ARHGAP10: variants seen among roughly 807,000 people sequenced by gnomAD.
ARHGAP10 encodes the protein Rho GTPase activating protein 10.
ARHGAP10 carries 87 observed loss-of-function variants against 108.6 expected under a neutral mutation model. The ratio of observed to expected loss-of-function variants is 0.80; its 90% CI spans 0.67 to 0.96. The LOEUF (loss-of-function observed/expected upper bound fraction) is 0.96, where lower values mean the gene tolerates loss of function less well. ARHGAP10 is among the 40% of genes least tolerant of loss of function. The probability of loss-of-function intolerance (pLI) is 0.00; values close to 1 mark genes in which losing one functional copy is unlikely to be tolerated. For synonymous variants in ARHGAP10, 347 were observed against 341.1 expected (o/e 1.02, Z -0.19); for missense variants, 939 against 954.5 (o/e 0.98, Z 0.21).
At chr4:147,806,979 C>A (rs925142972) in intron 1 of ARHGAP10, among the ~76,000 whole-genome samples, 2 of 152,158 alleles carry the variant, frequency 1.3e-5, no homozygotes, top group African/African-American at 4.8e-5. Flanking sequence ...AAGCGTGAAA[C>A]CCGGTGAAAG....
At chr4:147,884,435 C>G (rs1735459470) in intron 10 of ARHGAP10, among the ~76,000 whole-genome samples, 1 of 152,128 alleles carries the variant, frequency 6.6e-6, no homozygotes, top group Admixed American at 6.5e-5. Flanking sequence ...AATAAAATTT[C>G]ATGTTAATGT....
intron 20 of ARHGAP10, among the ~76,000 whole-genome samples, chr4:148,056,006 C>G (rs1023931820): frequency 6.6e-6 from 1 of 152,196 alleles, no homozygotes; most frequent in Non-Finnish European, 1.5e-5. Flanking sequence ...TGGCCCACTG[C>G]CACCTGTCTT....
chr4:147,745,087 G>C (rs566076979), intron 1 of ARHGAP10, among the ~76,000 whole-genome samples: 1 of 152,236 alleles, frequency 6.6e-6, no homozygotes, highest in East Asian at 1.9e-4. Flanking sequence ...GAGAAAGAGT[G>C]TTCAGAGAGC....
chr4:147,766,629 T>TACACAC (rs1324153290), intron 1 of ARHGAP10, among the ~76,000 whole-genome samples: 21 of 138,776 alleles, frequency 1.5e-4, no homozygotes, highest in Non-Finnish European at 3.1e-4. Context: ...TACACATATA[T>TACACAC]ATACGTATAT....
intron 10 of ARHGAP10, among the ~76,000 whole-genome samples, chr4:147,897,869 T>A (rs1256682518): frequency 1.3e-5 from 2 of 152,078 alleles, no homozygotes; most frequent in African/African-American, 2.4e-5. Context: ...ATGTGTATAT[T>A]TATTTATTTT....
At chr4:148,022,681 T>C (rs1475442279) in intron 18 of ARHGAP10, among the ~76,000 whole-genome samples, 1 of 152,180 alleles carries the variant, frequency 6.6e-6, no homozygotes, top group Non-Finnish European at 1.5e-5. Flanking sequence ...CTAGGTTTCA[T>C]AAATGAAAGG....
intron 18 of ARHGAP10, among the ~76,000 whole-genome samples, chr4:147,994,233 A>T (rs1301761179): frequency 6.6e-6 from 1 of 152,244 alleles, no homozygotes; most frequent in African/African-American, 2.4e-5. Context: ...TAAATTGCAC[A>T]AAAGTGCTTA....
intron 1 of ARHGAP10, among the ~76,000 whole-genome samples, chr4:147,737,601 A>G (rs1349636650): frequency 6.6e-6 from 1 of 152,176 alleles, no homozygotes; most frequent in Non-Finnish European, 1.5e-5. Context: ...ATGGAAAGGA[A>G]TACTCATCTA....
intron 10 of ARHGAP10, among the ~76,000 whole-genome samples, chr4:147,897,752 A>G (rs999838553): frequency 6.6e-6 from 1 of 152,204 alleles, no homozygotes; most frequent in African/African-American, 2.4e-5. Context: ...ATTATACATG[A>G]CTACTTTTAT....
intron 19 of ARHGAP10, among the ~76,000 whole-genome samples, chr4:148,028,267 A>C (rs1425197220): frequency 6.6e-6 from 1 of 152,124 alleles, no homozygotes; most frequent in Non-Finnish European, 1.5e-5. Flanking sequence ...TTCCCTGATT[A>C]GAAGGGGACA....
At chr4:147,962,762 C>G (rs963053070) in intron 16 of ARHGAP10, among the ~76,000 whole-genome samples, 1 of 152,134 alleles carries the variant, frequency 6.6e-6, no homozygotes, top group African/African-American at 2.4e-5. Context: ...CTCCTGGGTT[C>G]AGGCACTTTT....
chr4:147,737,784 G>T (rs1394390679), intron 1 of ARHGAP10, among the ~76,000 whole-genome samples: 1 of 152,112 alleles, frequency 6.6e-6, no homozygotes, highest in Non-Finnish European at 1.5e-5. Context: ...ACCCAGACAG[G>T]CTTGAAAAGC....
intron 1 of ARHGAP10, among the ~76,000 whole-genome samples, chr4:147,775,137 A>G (rs916751666): frequency 1.3e-5 from 2 of 149,372 alleles, no homozygotes; most frequent in Non-Finnish European, 3.0e-5. Context: ...CTGGTCTTGA[A>G]CTCCTGACCT....
At chr4:147,755,117 T>C (rs1729315153) in intron 1 of ARHGAP10, among the ~76,000 whole-genome samples, 1 of 151,892 alleles carries the variant, frequency 6.6e-6, no homozygotes, top group Non-Finnish European at 1.5e-5. Context: ...AATGACTGCT[T>C]TAAAAACATT....
intron 4 of ARHGAP10, among the ~76,000 whole-genome samples, chr4:147,856,317 A>G (rs1734079779): frequency 6.6e-6 from 1 of 152,212 alleles, no homozygotes; most frequent in African/African-American, 2.4e-5. Context: ...GTATATCAAT[A>G]TTATTTTAGG....
intron 3 of ARHGAP10, among the ~76,000 whole-genome samples, chr4:147,840,813 T>A (rs1560785050): frequency 6.6e-6 from 1 of 152,230 alleles, no homozygotes; most frequent in Non-Finnish European, 1.5e-5. Flanking sequence ...CTCCTTGAAC[T>A]GTGATTCTTT....
In ARHGAP10 at chr4:147,800,616, G is replaced by A. The variant is rs533733556; in HGVS notation, c.155-22111G>A. 7.2e-5 allele frequency among the ~76,000 whole-genome samples: 11 copies of A among 152,244 alleles called. No homozygotes were observed. In the South Asian group the frequency reaches 1.9e-3, roughly 26 times the overall value. On this transcript the variant is annotated intron_variant, in intron 1 of 22. Coordinates refer to ENST00000336498, the MANE Select transcript of ARHGAP10 (RefSeq NM_024605.4). The stretch of plus-strand genomic sequence containing the variant: ...TGGGTCTGGGTGACCACTTTGCATA[G>A]GGGGATGCAAGATACTGTTTCACTG...
chr4:148,027,192 T>C (rs1236085145), intron 19 of ARHGAP10, among the ~76,000 whole-genome samples: 1 of 152,252 alleles, frequency 6.6e-6, no homozygotes, highest in East Asian at 1.9e-4. Flanking sequence ...AAACTAGACA[T>C]TTACAGAACT....
Position 147,869,732 on chromosome 4 carries a change from C to G in ARHGAP10, c.702+2916C>G, listed in dbSNP as rs578215071. 2.6e-5 allele frequency among the ~76,000 whole-genome samples: 4 copies of G among 151,920 alleles called. No individual in the cohort carries two copies. In the South Asian group the frequency reaches 8.3e-4, roughly 32 times the overall value. The stretch of plus-strand genomic sequence containing the variant: ...AACACTCTTACAACTCAGAGTTTCT[C>G]TCTGCGTCACCTTCAGTATTGAGAA... On this transcript the variant is annotated intron_variant, in intron 7 of 22. Coordinates refer to ENST00000336498, the MANE Select transcript of ARHGAP10 (RefSeq NM_024605.4).
Sources: gnomAD v4.1 joint callset for allele counts (sites outside exome capture counted in the v4.1 genomes callset) on GRCh38, gnomAD v4.1.1 for gene constraint, MANE v1.5 for transcripts, NCBI Gene and HGNC (gene_info 2026-07-23, HGNC 2026-07-21) for gene names.